The following MGAT4C variants were observed in gnomAD, a reference collection of about 807,000 sequenced individuals.
The protein encoded by MGAT4C is MGAT4 family member C, also known as alpha-1,3-mannosyl-glycoprotein 4-beta-N-acetylglucosaminyltransferase C.
Under a neutral mutation model 40.1 loss-of-function variants are expected in MGAT4C, and 19 were observed. That is an observed-to-expected ratio of 0.47 (90% CI 0.33 to 0.70). MGAT4C has a LOEUF of 0.70. MGAT4C is among the 30% of genes least tolerant of loss of function. MGAT4C has a pLI of 0.02. For missense variants in MGAT4C, 491 were observed against 563.2 expected, an observed-to-expected ratio of 0.87 and a Z score of 1.30; for synonymous variants, 181 against 187.1, an observed-to-expected ratio of 0.97 and a Z score of 0.27.
chr12:86,227,992 T>C (rs555637932), intron 1 of MGAT4C, among the ~76,000 whole-genome samples: 3 of 152,010 alleles, frequency 2.0e-5, no homozygotes, highest in African/African-American at 4.8e-5. Flanking sequence ...TCAAGTATAA[T>C]AGCATATTGT....
At chr12:86,298,646 T>C (rs925212151) in intron 4 of MGAT4C, among the ~76,000 whole-genome samples, 1 of 152,062 alleles carries the variant, frequency 6.6e-6, no homozygotes, top group Non-Finnish European at 1.5e-5. Context: ...CTGTGAAAAA[T>C]TGTTTTGGAG....
intron 2 of MGAT4C, among the ~76,000 whole-genome samples, chr12:86,028,724 G>A (rs1890469639): frequency 6.6e-6 from 1 of 151,892 alleles, no homozygotes; most frequent in Non-Finnish European, 1.5e-5. Context: ...GCTATGTTGT[G>A]TGGAAAAATC....
At chr12:86,074,964 C>A (rs1381258862) in intron 1 of MGAT4C, among the ~76,000 whole-genome samples, 4 of 152,072 alleles carry the variant, frequency 2.6e-5, no homozygotes, top group Non-Finnish European at 5.9e-5. Flanking sequence ...CACAGCCAAA[C>A]CATATCGTTG....
rs1388547760 is a variant in MGAT4C at position 85,978,581 on chromosome 12, T to C, written c.*708A>G. ...CTGAAAATATTGAGCTTAACTCTTC[T>C]TTTTTTTTTTCAAAAGGGAAACTTG... On this transcript the variant is annotated 3_prime_UTR_variant, in exon 5 of 5. Coordinates refer to ENST00000611864, the MANE Select transcript of MGAT4C (RefSeq NM_001351288.2). The C allele has an allele frequency of 6.9e-6, 1 of 145,818 alleles. No individual in the cohort carries two copies. The highest frequency in any genetic ancestry group is 1.5e-5 in the Non-Finnish European group (1 of 65,332). The allele number at this position is 145,818 out of a possible 1,614,324, so 9.0% of individuals were successfully genotyped here. A position where few individuals can be genotyped will look rare whatever the true frequency, so the allele number is the denominator to read the frequency against.
At chr12:86,672,141 A>G (rs1249341133) in intron 2 of MGAT4C, among the ~76,000 whole-genome samples, 1 of 152,086 alleles carries the variant, frequency 6.6e-6, no homozygotes, top group East Asian at 1.9e-4. Context: ...AATTTTGAAA[A>G]CTATACAAGT....
At chr12:86,212,891 C>CA (rs71076172) in intron 1 of MGAT4C, among the ~76,000 whole-genome samples, 6,522 of 22,594 alleles carry the variant, frequency 0.29, 2,022 homozygotes, top group Middle Eastern at 0.36. Context: ...GACTCCGTCT[C>CA]AAAAAAAAAA....
intron 4 of MGAT4C, among the ~76,000 whole-genome samples, chr12:86,315,546 TA>T (rs55637998): frequency 0.89 from 134,024 of 150,738 alleles, 59,749 homozygotes; most frequent in East Asian, 1. Flanking sequence ...ACTAAAAATA[TA>T]AAAAAAAAAT....
At chr12:86,011,388 A>G (rs1385431601) in intron 2 of MGAT4C, among the ~76,000 whole-genome samples, 1 of 152,232 alleles carries the variant, frequency 6.6e-6, no homozygotes, top group Non-Finnish European at 1.5e-5. Context: ...GCAAAGACAG[A>G]GAATATAAAA....
At chr12:86,383,516 A>G (rs1174114042) in intron 3 of MGAT4C, among the ~76,000 whole-genome samples, 1 of 124,420 alleles carries the variant, frequency 8.0e-6, no homozygotes. Context: ...ACGCCGCTGC[A>G]CTCCAGACTG....
chr12:86,043,983 T>C (rs7484794), intron 2 of MGAT4C, among the ~76,000 whole-genome samples: 572 of 152,352 alleles, frequency 3.8e-3, no homozygotes, highest in African/African-American at 0.013. Flanking sequence ...TCTCTGGTTT[T>C]TTCTCATCTG....
chr12:86,613,101 T>G (rs1230954574), intron 2 of MGAT4C, among the ~76,000 whole-genome samples: 3 of 152,150 alleles, frequency 2.0e-5, no homozygotes, highest in Non-Finnish European at 4.4e-5. Flanking sequence ...TGATTTAAAC[T>G]TCTACAATTA....
rs2136203834 is a variant in MGAT4C, at chr12:86,362,977, G to A, written c.-119-28850C>T. 2.6e-5 allele frequency among the ~76,000 whole-genome samples: 4 copies of A among 151,456 alleles called. No homozygotes were observed. The South Asian group carries it at 8.3e-4, about 32-fold the overall frequency. ...AAAGGCAAACAATATAAAGACCAAA[G>A]GGTCAATTCATTAAGAAGTAATAGT... On this transcript the variant is annotated intron_variant, in intron 3 of 7. Coordinates refer to the MGAT4C transcript ENST00000548651.
chr12:86,454,735 GAAA>G (rs1223084822), intron 2 of MGAT4C, among the ~76,000 whole-genome samples: 1 of 152,086 alleles, frequency 6.6e-6, no homozygotes, highest in East Asian at 1.9e-4. Context: ...ATGATATGGG[GAAA>G]AATTTAATAA....
intron 2 of MGAT4C, among the ~76,000 whole-genome samples, chr12:86,037,183 C>A (rs934594444): frequency 1.3e-5 from 2 of 149,762 alleles, no homozygotes; most frequent in Non-Finnish European, 3.0e-5. Flanking sequence ...TCTCTCTTTT[C>A]TTCTTTATTA....
chr12:86,428,948 C>A (rs1210952994), intron 3 of MGAT4C, among the ~76,000 whole-genome samples: 2 of 151,744 alleles, frequency 1.3e-5, no homozygotes. Context: ...GTCTTTATTT[C>A]ATTTTCTTTT....
chr12:86,815,492 T>C (rs1566010358), intron 1 of MGAT4C, among the ~76,000 whole-genome samples: 1 of 151,040 alleles, frequency 6.6e-6, no homozygotes, highest in South Asian at 2.1e-4. Flanking sequence ...ATCCCACTAC[T>C]GGGTATCTAC....
intron 2 of MGAT4C, among the ~76,000 whole-genome samples, chr12:86,582,043 GT>G (rs1960799791): frequency 6.6e-6 from 1 of 151,338 alleles, no homozygotes; most frequent in Non-Finnish European, 1.5e-5. Flanking sequence ...TCATTCACAA[GT>G]TTTTGGGTTG....
intron 2 of MGAT4C, among the ~76,000 whole-genome samples, chr12:86,587,635 T>C (rs1247999391): frequency 1.3e-5 from 2 of 152,078 alleles, no homozygotes; most frequent in African/African-American, 4.8e-5. Flanking sequence ...GAGCAGTGGT[T>C]TGTAGTTCTC....
In MGAT4C at chr12:86,353,962, C is replaced by A. The variant is rs1468990363; in HGVS notation, c.-119-19835G>T. Reference sequence around the variant, plus strand: ...CAAGGTAATCAAGAAGAGGATGGAACTGGAGAAAAGCTGGAGAAAATCTGT... The same window carrying A: ...CAAGGTAATCAAGAAGAGGATGGAAATGGAGAAAAGCTGGAGAAAATCTGT... On this transcript the variant is annotated intron_variant, in intron 3 of 7. Coordinates refer to the MGAT4C transcript ENST00000548651. 3.3e-5 allele frequency among the ~76,000 whole-genome samples: 5 copies of A among 152,220 alleles called. No individual in the cohort carries two copies. In the East Asian group the frequency reaches 9.7e-4, roughly 30 times the overall value.
Sources: gnomAD v4.1 joint callset for allele counts (sites outside exome capture counted in the v4.1 genomes callset) on GRCh38, gnomAD v4.1.1 for gene constraint, MANE v1.5 for transcripts, NCBI Gene and HGNC (gene_info 2026-07-23, HGNC 2026-07-21) for gene names.